The following PSORS1C1 variants were observed in gnomAD, a reference collection of about 807,000 sequenced individuals.
PSORS1C1 encodes psoriasis susceptibility 1 candidate gene 1 protein.
In PSORS1C1, 7 loss-of-function variants were observed where a neutral mutation model predicts 9.4. The ratio of observed to expected loss-of-function variants is 0.75; its 90% CI spans 0.42 to 1.40. The LOEUF is 1.40. PSORS1C1 is among the 40% of genes most tolerant of loss of function. The pLI is 0.01. For missense variants in PSORS1C1, 146 were observed against 178.1 expected (o/e 0.82, Z 1.02); for synonymous variants, 63 against 69.4 (o/e 0.91, Z 0.46).
chr6:31,127,090 C>G (rs1436094890), intron 2 of PSORS1C1, among the ~76,000 whole-genome samples: 3 of 152,164 alleles, frequency 2.0e-5, no homozygotes, highest in Non-Finnish European at 2.9e-5. Context: ...TTACTGGTCA[C>G]CCAGAATTAG....
At chr6:31,129,546 C>A in intron 2 of PSORS1C1, 23 bp from the exon 3 acceptor site, 1 of 772,444 alleles carries the variant, frequency 1.3e-6, no homozygotes. Flanking sequence ...TTCTCTTTCC[C>A]ACTCACCTAC....
chr6:31,133,899 A>C lies in PSORS1C1; in HGVS notation c.13+4254A>C, dbSNP rs117470519. 0.011 allele frequency among the ~76,000 whole-genome samples: 1,632 copies of C among 152,348 alleles called. 73 individuals carry two copies. The East Asian group carries it at 0.14, about 13-fold the overall frequency. On this transcript the variant is annotated intron_variant, in intron 3 of 5. Coordinates refer to ENST00000259881, the MANE Select transcript of PSORS1C1 (RefSeq NM_014068.3). ...GGCCTATTTAATTCTACTAGGCTCA[A>C]CCTACAATTCTTATGTGTTCTCAGA...
intron 2 of PSORS1C1, among the ~76,000 whole-genome samples, chr6:31,127,266 G>T (rs1772720956): frequency 6.6e-6 from 1 of 152,100 alleles, no homozygotes; most frequent in South Asian, 2.1e-4. Flanking sequence ...TCCCTCCTGT[G>T]TTCTGGGCTG....
intron 1 of PSORS1C1, chr6:31,116,533 G>A (rs750259125): frequency 4.3e-6 from 7 of 1,613,698 alleles, no homozygotes; most frequent in East Asian, 2.2e-5. Context: ...GGAAGCTGCC[G>A]ACTGGCTGGG....
rs1314691388 is a variant in PSORS1C1 at position 31,128,678 on chromosome 6, A to G, written c.-64-891A>G. Among the ~76,000 whole-genome samples the G allele has an allele frequency of 6.6e-6, 1 of 152,234 alleles. No homozygotes were observed. Among genetic ancestry groups the G allele is most frequent in the Non-Finnish European group, 1.5e-5 (1 of 68,050 alleles). The stretch of plus-strand genomic sequence containing the variant: ...AGGCACCTGGTGGGCACTTAATTAA[A>G]GATTAGCAGGAGAAGAAAAATGTAC... On this transcript the variant is annotated intron_variant, in intron 2 of 5. Transcript: ENST00000259881. This position sits in a 1 kb window ranked among gnomAD's most constrained non-coding sequence, Gnocchi z 4.3.
intron 2 of PSORS1C1, among the ~76,000 whole-genome samples, chr6:31,127,177 G>T (rs538218239): frequency 6.6e-6 from 1 of 152,312 alleles, no homozygotes; most frequent in Admixed American, 6.5e-5. Flanking sequence ...GGAGAGGCCG[G>T]AAAGACTTGT....
At chr6:31,126,854 C>A (rs1772701999) in intron 2 of PSORS1C1, among the ~76,000 whole-genome samples, 1 of 140,832 alleles carries the variant, frequency 7.1e-6, no homozygotes, top group African/African-American at 2.7e-5. Flanking sequence ...CAGTCGCTCC[C>A]TGGCCGAAGC....
chr6:31,117,045 G>C (rs1562752520), intron 1 of PSORS1C1: 2 of 1,614,238 alleles, frequency 1.2e-6, no homozygotes, highest in Non-Finnish European at 1.7e-6. Context: ...GTCCAGGCTG[G>C]GAAGGGTTTA....
At chr6:31,123,198 TCTCTC>T (rs1772540015) in intron 1 of PSORS1C1, among the ~76,000 whole-genome samples, 1 of 152,172 alleles carries the variant, frequency 6.6e-6, no homozygotes. Flanking sequence ...TCCTGGCTAC[TCTCTC>T]CTGTCCACTC....
intron 3 of PSORS1C1, among the ~76,000 whole-genome samples, chr6:31,130,720 A>AT (rs897341062): frequency 4.0e-5 from 6 of 151,252 alleles, no homozygotes; most frequent in Admixed American, 1.3e-4. Flanking sequence ...AATGTTAAAC[A>AT]TTTTTTTTGT....
chr6:31,133,144 T>C (rs1772993899), intron 3 of PSORS1C1, among the ~76,000 whole-genome samples: 1 of 151,916 alleles, frequency 6.6e-6, no homozygotes, highest in Admixed American at 6.6e-5. Flanking sequence ...TGGGAGTCCG[T>C]AGGCACAAAA....
At position 31,139,983 on chromosome 6, in the gene PSORS1C1, G is replaced by T. The variant is rs372966348; in HGVS notation, c.*51G>T. 2 of 1,531,404 alleles carry T rather than the reference G, an allele frequency of 1.3e-6. No homozygotes were observed. The highest frequency in any genetic ancestry group is 1.8e-5 in the Admixed American group (1 of 56,746). 94.9% of individuals were successfully genotyped at this position (1,531,404 alleles called of 1,614,324 possible). ...TTTCCCTCAAGGACCTTTCTGCCTG[G>T]AAGTCTGTTAGCCTTTCAGAAGTAA... On this transcript the variant is annotated 3_prime_UTR_variant, in exon 6 of 6. Transcript: ENST00000259881. This position sits in a 1 kb window ranked among gnomAD's most constrained non-coding sequence, Gnocchi z 5.2.
intron 1 of PSORS1C1, among the ~76,000 whole-genome samples, chr6:31,120,096 C>T (rs1168793188): frequency 2.6e-5 from 4 of 152,094 alleles, no homozygotes; most frequent in Non-Finnish European, 5.9e-5. Context: ...GTACATATCA[C>T]ATACATTATT....
Position 31,139,352 on chromosome 6 carries a change from G to A in PSORS1C1, c.168-289G>A, listed in dbSNP as rs1474942878. 2 of 586,414 alleles carry A rather than the reference G, an allele frequency of 3.4e-6. No homozygotes were observed. The highest frequency in any genetic ancestry group is 6.1e-6 in the Non-Finnish European group (2 of 329,244). The allele number at this position is 586,414 out of a possible 1,614,324, so 36.3% of individuals were successfully genotyped here. ...CCCACTTGGCATCTCCGTAATCACA[G>A]AGATGTCCACCTTCATCCCTTGCAA... On this transcript the variant is annotated intron_variant, in intron 5 of 5. Coordinates refer to ENST00000259881, the MANE Select transcript of PSORS1C1 (RefSeq NM_014068.3). The surrounding 1 kb of genome is among the most constrained non-coding windows in gnomAD (Gnocchi z 5.2).
rs1042935258 is a variant in PSORS1C1, at chr6:31,139,463, C to T, written c.168-178C>T. On this transcript the variant is annotated intron_variant, in intron 5 of 5. Transcript: ENST00000259881. The surrounding 1 kb of genome is among the most constrained non-coding windows in gnomAD (Gnocchi z 5.2). ...ACAGGGTTGGGAGGCAGGATGCCTG[C>T]GCTGAGGGAGGAGGTGCTTTTCAAA... 8.1e-6 allele frequency: 5 copies of T among 619,580 alleles called. No homozygotes were observed. Among genetic ancestry groups the T allele is most frequent in the African/African-American group, 5.5e-5 (3 of 54,242 alleles). The allele number at this position is 619,580 out of a possible 1,614,324, so 38.4% of individuals were successfully genotyped here. A position where few individuals can be genotyped will look rare whatever the true frequency, so the allele number is the denominator to read the frequency against.
intron 3 of PSORS1C1, among the ~76,000 whole-genome samples, chr6:31,133,877 C>T (rs1250668841): frequency 6.6e-6 from 1 of 152,182 alleles, no homozygotes; most frequent in Non-Finnish European, 1.5e-5. Context: ...AGCTTGGGGC[C>T]TATTTAATTC....
intron 1 of PSORS1C1, among the ~76,000 whole-genome samples, chr6:31,123,865 C>G (rs3094206): frequency 0.47 from 71,260 of 152,112 alleles, 18,147 homozygotes; most frequent in African/African-American, 0.68. Context: ...CAGCGTAAGA[C>G]AGCAGCCTAG....
chr6:31,114,986 G>A, intron 1 of PSORS1C1, 95 bp downstream of exon 1: 1 of 434,790 alleles, frequency 2.3e-6, no homozygotes, highest in Non-Finnish European at 4.6e-6. Flanking sequence ...ATAAGGGGAA[G>A]GGGGACCCCA....
At chr6:31,131,210 T>C (rs572215641) in intron 3 of PSORS1C1, among the ~76,000 whole-genome samples, 2 of 152,310 alleles carry the variant, frequency 1.3e-5, no homozygotes, top group Admixed American at 1.3e-4. Flanking sequence ...GGGCCCTTCA[T>C]TAAATAATTT....
Sources: gnomAD v4.1 joint callset for allele counts (sites outside exome capture counted in the v4.1 genomes callset) on GRCh38, gnomAD v4.1.1 for gene constraint, Gnocchi (gnomAD v3.1) non-coding constraint, MANE v1.5 for transcripts, NCBI Gene and HGNC (gene_info 2026-07-23, HGNC 2026-07-21) for gene names.